The following MYH10 variants were observed in gnomAD, a reference collection of about 807,000 sequenced individuals.
MYH10 encodes myosin-10.
MYH10 carries 55 observed loss-of-function variants against 257.8 expected under a neutral mutation model. That is an observed-to-expected ratio of 0.21 (90% CI 0.17 to 0.27). MYH10 has a LOEUF of 0.27. Ranked by LOEUF, MYH10 falls within the 10% of genes least tolerant of loss-of-function variation. The pLI is 1.00. For missense variants in MYH10, 1,631 were observed against 2,500.6 expected (o/e 0.65, Z 7.42); for synonymous variants, 854 against 921.7 (o/e 0.93, Z 1.33).
chr17:8,485,541 A>T (rs2151795430), intron 36 of MYH10, among the ~76,000 whole-genome samples: 1 of 151,710 alleles, frequency 6.6e-6, no homozygotes, highest in Non-Finnish European at 1.5e-5. Flanking sequence ...TATCCAGAAT[A>T]CAGAATTGTT....
At chr17:8,586,981 T>C (rs1191286172) in intron 4 of MYH10, among the ~76,000 whole-genome samples, 1 of 152,188 alleles carries the variant, frequency 6.6e-6, no homozygotes, top group East Asian at 1.9e-4. Context: ...CCTTGCCATG[T>C]CTTGCTTGGG....
chr17:8,480,546 G>C, intron 38 of MYH10, 21 bp from the exon 39 acceptor site: 1 of 1,602,334 alleles, frequency 6.2e-7, no homozygotes, highest in South Asian at 1.1e-5. Flanking sequence ...GAGGAGGAGG[G>C]GACGGTTCAA....
At chr17:8,558,960 G>A (rs1462798388) in intron 7 of MYH10, among the ~76,000 whole-genome samples, 2 of 152,004 alleles carry the variant, frequency 1.3e-5, no homozygotes, top group Non-Finnish European at 2.9e-5. Context: ...CATCATACAA[G>A]ATTAAAGAAT....
At chr17:8,513,438 G>A (rs1411148655) in intron 23 of MYH10, 100 bp downstream of exon 23, 4 of 1,503,062 alleles carry the variant, frequency 2.7e-6, no homozygotes, top group African/African-American at 2.8e-5. Context: ...ATGATATGGT[G>A]GGTACAGCTA....
intron 31 of MYH10, 96 bp from the exon 32 acceptor site, chr17:8,493,981 C>G (rs771400150): frequency 2.5e-5 from 35 of 1,375,598 alleles, no homozygotes; most frequent in Non-Finnish European, 3.3e-5. Flanking sequence ...AAAGAGACAG[C>G]CTCAATGCAT....
intron 5 of MYH10, among the ~76,000 whole-genome samples, 188 bp from the exon 6 acceptor site, chr17:8,576,860 A>G (rs75387433): frequency 0.037 from 5,689 of 152,268 alleles, 153 homozygotes; most frequent in East Asian, 0.14. Flanking sequence ...TGACATTTCT[A>G]TTCTTGCCCT....
intron 19 of MYH10, 102 bp downstream of exon 19, chr17:8,520,776 A>T: frequency 7.6e-7 from 1 of 1,308,782 alleles, no homozygotes; most frequent in Non-Finnish European, 1.0e-6. Context: ...AAAACAAACT[A>T]TGTAGGGGAC....
At chr17:8,497,591 T>C (rs1244597573) in intron 30 of MYH10, among the ~76,000 whole-genome samples, 1 of 151,596 alleles carries the variant, frequency 6.6e-6, no homozygotes, top group Non-Finnish European at 1.5e-5. Flanking sequence ...TGCAAAAAAT[T>C]AGCCAGGCAT....
intron 23 of MYH10, 86 bp from the exon 24 acceptor site, chr17:8,512,743 C>A: frequency 3.8e-6 from 4 of 1,048,136 alleles, no homozygotes; most frequent in Non-Finnish European, 5.4e-6. Flanking sequence ...GGTCAATGCA[C>A]ATCAAAGAAA....
chr17:8,611,862 T>A (rs974416078), intron 2 of MYH10, among the ~76,000 whole-genome samples: 8 of 152,074 alleles, frequency 5.3e-5, no homozygotes, highest in African/African-American at 1.9e-4. Flanking sequence ...TGGCTAAGAA[T>A]TTTCCCGGAC....
At chr17:8,491,714 T>C (rs1015833328) in intron 34 of MYH10, among the ~76,000 whole-genome samples, 4 of 152,146 alleles carry the variant, frequency 2.6e-5, no homozygotes, top group African/African-American at 9.7e-5. Context: ...TGGGTTTGTT[T>C]TGCTATCTTC....
At chr17:8,555,715 A>G (rs770194566) in intron 7 of MYH10, among the ~76,000 whole-genome samples, 15 of 152,262 alleles carry the variant, frequency 9.9e-5, no homozygotes, top group Non-Finnish European at 1.6e-4. Context: ...GAAAATCTTC[A>G]TGACCTTAAA....
chr17:8,495,112 A>G, intron 31 of MYH10, 25 bp downstream of exon 31: 1 of 1,365,304 alleles, frequency 7.3e-7, no homozygotes, highest in South Asian at 1.2e-5. Flanking sequence ...GTTATTATAA[A>G]GACCCCTTGC....
At chr17:8,603,027 C>T (rs1229189907) in intron 3 of MYH10, among the ~76,000 whole-genome samples, 1 of 152,192 alleles carries the variant, frequency 6.6e-6, no homozygotes, top group East Asian at 1.9e-4. Context: ...ACCAGCAAAG[C>T]CACAGAGCCA....
Position 8,475,694 on chromosome 17 carries a change from TG to T in MYH10, c.*109del. On this transcript the variant is annotated 3_prime_UTR_variant, in exon 43 of 43. Transcript: ENST00000360416. The stretch of plus-strand genomic sequence containing the variant: ...AGGCTGGAGAGCCTTAAGACACAGT[TG>T]ATCTTTCAGGAAGGAATCCCGTAGC... 7.6e-7 allele frequency: 1 copy of T among 1,321,536 alleles called. No individual in the cohort carries two copies. 81.9% of individuals were successfully genotyped at this position (1,321,536 alleles called of 1,614,324 possible).
intron 7 of MYH10, among the ~76,000 whole-genome samples, chr17:8,567,984 T>A (rs189411959): frequency 1.4e-4 from 22 of 152,282 alleles, no homozygotes; most frequent in Non-Finnish European, 2.8e-4. Context: ...CGCCCAGATG[T>A]CTGTGGTCGT....
In MYH10 at chr17:8,480,444, G is replaced by A. The variant is rs762802636; in HGVS notation, c.5346C>T (p.Asn1782=). 3 of 1,613,022 alleles carry A rather than the reference G, an allele frequency of 1.9e-6. No homozygotes were observed. Among genetic ancestry groups the A allele is most frequent in the Non-Finnish European group, 1.7e-6 (2 of 1,179,988 alleles). ...GGAAGCGGTCGTTGAGCAGCTCCAT[G>A]TTGCTCTGCTCCTCTTCCAGCTCCT... The part of the protein sequence containing the change: ...LEEELEEEQS[N]MELLNDRFRK... Residue 1782 remains asparagine (N), a synonymous_variant, in exon 39 of 43, where the codon AAC becomes AAT. Transcript: ENST00000360416.
Position 8,604,944 on chromosome 17 carries a change from G to A in MYH10, c.384C>T (p.Tyr128=), listed in dbSNP as rs149501888. 1.1e-5 allele frequency: 17 copies of A among 1,572,592 alleles called. No individual in the cohort carries two copies. The highest frequency in any genetic ancestry group is 1.4e-5 in the Non-Finnish European group (16 of 1,145,974). The change falls in exon 3 of 43, where the codon TAC becomes TAT. Residue 128 remains tyrosine, a synonymous_variant. Coordinates refer to ENST00000360416, the MANE Select transcript of MYH10 (RefSeq NM_001256012.3). ...TCTCAGAGTAAATTGGAAGATTCTTGTAAGGGTTTATAACTACACAGAAGA... is the reference window on the plus strand; with the variant it reads ...TCTCAGAGTAAATTGGAAGATTCTTATAAGGGTTTATAACTACACAGAAGA... The part of the protein sequence containing the change: ...SGLFCVVINP[Y]KNLPIYSENI...
At chr17:8,524,447 C>A (rs2081766781) in intron 17 of MYH10, among the ~76,000 whole-genome samples, 1 of 66,432 alleles carries the variant, frequency 1.5e-5, no homozygotes, top group Non-Finnish European at 2.5e-5. Flanking sequence ...GAGACTCTGT[C>A]TCAAAAAAAA....
Sources: allele counts gnomAD v4.1 joint callset (sites outside exome capture counted in the v4.1 genomes callset), GRCh38; gene constraint gnomAD v4.1.1; transcripts MANE v1.5; gene names NCBI Gene and HGNC (gene_info 2026-07-23, HGNC 2026-07-21).